The following DCC variants were observed in gnomAD, a reference collection of about 807,000 sequenced individuals.
DCC encodes DCC netrin 1 receptor.
DCC carries 58 observed loss-of-function variants against 172.5 expected under a neutral mutation model. The ratio of observed to expected loss-of-function variants is 0.34; its 90% confidence interval spans 0.27 to 0.42. The LOEUF (loss-of-function observed/expected upper bound fraction) is 0.42. DCC is among the 10% of genes least tolerant of loss of function. The pLI is 1.00. For synonymous variants in DCC, 709 were observed against 644.5 expected, an observed-to-expected ratio of 1.10 and a Z score of -1.52; for missense variants, 1,740 against 1,791.0, an observed-to-expected ratio of 0.97 and a Z score of 0.51.
chr18:52,490,157 C>A (rs574061687), intron 1 of DCC, among the ~76,000 whole-genome samples: 2 of 152,126 alleles, frequency 1.3e-5, no homozygotes, highest in South Asian at 4.2e-4. Flanking sequence ...AGGCTAAAAG[C>A]AGCACAAGAT....
chr18:52,832,700 T>C (rs1324026599), intron 2 of DCC, among the ~76,000 whole-genome samples: 1 of 152,138 alleles, frequency 6.6e-6, no homozygotes, highest in Non-Finnish European at 1.5e-5. Context: ...ATGGAGAAAC[T>C]TGCCAAGAAT....
At chr18:53,082,581 G>A (rs2042822343) in intron 7 of DCC, among the ~76,000 whole-genome samples, 1 of 151,996 alleles carries the variant, frequency 6.6e-6, no homozygotes, top group South Asian at 2.1e-4. Flanking sequence ...TAACAAATTA[G>A]TAAGTACCAT....
At chr18:53,495,389 C>CAAAAAA (rs71179511) in intron 26 of DCC, among the ~76,000 whole-genome samples, 4 of 116,702 alleles carry the variant, frequency 3.4e-5, no homozygotes, top group Non-Finnish European at 5.1e-5. Flanking sequence ...GACTCCATCT[C>CAAAAAA]AAAAAAAAAA....
chr18:53,231,365 A>G (rs913118914), intron 12 of DCC, among the ~76,000 whole-genome samples: 2 of 152,092 alleles, frequency 1.3e-5, no homozygotes, highest in Non-Finnish European at 2.9e-5. Flanking sequence ...AATACATAAA[A>G]TGGTACCTGT....
intron 26 of DCC, among the ~76,000 whole-genome samples, chr18:53,497,985 A>G (rs1180498777): frequency 1.3e-5 from 2 of 152,176 alleles, no homozygotes; most frequent in Admixed American, 6.5e-5. Flanking sequence ...ATATGGCTAC[A>G]TCCTGTGCTC....
At chr18:52,494,106 A>G (rs2030640768) in intron 1 of DCC, among the ~76,000 whole-genome samples, 1 of 152,074 alleles carries the variant, frequency 6.6e-6, no homozygotes, top group Admixed American at 6.6e-5. Context: ...TGGGTATAGA[A>G]TTCTAAGTTG....
intron 18 of DCC, among the ~76,000 whole-genome samples, chr18:53,399,477 A>G (rs1909166490): frequency 6.6e-6 from 1 of 152,240 alleles, no homozygotes; most frequent in Middle Eastern, 3.4e-3. Context: ...AGAGGAGAGG[A>G]TGGGATGCTG....
At chr18:52,569,095 A>G (rs2033232967) in intron 1 of DCC, among the ~76,000 whole-genome samples, 1 of 152,194 alleles carries the variant, frequency 6.6e-6, no homozygotes, top group South Asian at 2.1e-4. Flanking sequence ...GTGTAATAAC[A>G]AGATAGATCA....
chr18:52,746,977 G>A (rs2036915264), intron 1 of DCC, among the ~76,000 whole-genome samples: 1 of 151,584 alleles, frequency 6.6e-6, no homozygotes, highest in African/African-American at 2.4e-5. Context: ...GGAGGAGGAG[G>A]AGGAGGAGGA....
chr18:52,461,434 T>C (rs1988626796), intron 1 of DCC, among the ~76,000 whole-genome samples: 1 of 152,244 alleles, frequency 6.6e-6, no homozygotes, highest in East Asian at 1.9e-4. Context: ...AAAGGTATAA[T>C]ATAGTGAATA....
intron 1 of DCC, among the ~76,000 whole-genome samples, chr18:52,605,575 G>C (rs962185565): frequency 3.9e-5 from 6 of 152,126 alleles, no homozygotes; most frequent in African/African-American, 1.4e-4. Context: ...AGCGGATAGA[G>C]AACAGAGTGT....
intron 7 of DCC, among the ~76,000 whole-genome samples, chr18:53,106,732 A>G (rs1182208322): frequency 6.6e-6 from 1 of 151,908 alleles, no homozygotes; most frequent in African/African-American, 2.4e-5. Flanking sequence ...GTAAAGGAAT[A>G]AAAGAATGAC....
chr18:52,813,095 G>A (rs1340104679), intron 2 of DCC, among the ~76,000 whole-genome samples: 10 of 152,154 alleles, frequency 6.6e-5, no homozygotes, highest in Admixed American at 3.9e-4. Flanking sequence ...AAAATGATGT[G>A]AACTTTCCTT....
intron 26 of DCC, among the ~76,000 whole-genome samples, chr18:53,497,132 A>G (rs984928015): frequency 1.3e-5 from 2 of 152,148 alleles, no homozygotes; most frequent in African/African-American, 2.4e-5. Context: ...CTTTAATGAA[A>G]AGCTAGCCCA....
At chr18:53,060,587 C>A (rs1370917723) in intron 5 of DCC, among the ~76,000 whole-genome samples, 10 of 152,022 alleles carry the variant, frequency 6.6e-5, no homozygotes, top group Non-Finnish European at 1.5e-4. Context: ...GTTGAGGCAT[C>A]CCTGTGGTAC....
chr18:52,460,169 T>A (rs532289055), intron 1 of DCC, among the ~76,000 whole-genome samples: 1 of 152,310 alleles, frequency 6.6e-6, no homozygotes, highest in African/African-American at 2.4e-5. Context: ...TCTCTGTATA[T>A]CAAAACTTAC....
rs115771988 is a variant in DCC at position 52,843,987 on chromosome 18, G to A, written c.413-62057G>A. 3.7e-3 allele frequency among the ~76,000 whole-genome samples: 568 copies of A among 152,092 alleles called. 1 individual carries two copies. Among genetic ancestry groups the A allele is most frequent in the African/African-American group, 0.013 (519 of 41,508 alleles). On this transcript the variant is annotated intron_variant, in intron 2 of 28. Coordinates refer to ENST00000442544, the MANE Select transcript of DCC (RefSeq NM_005215.4). The stretch of plus-strand genomic sequence containing the variant: ...ATATAGTATGATGCTGATAAACATC[G>A]CTTTTTTGAAGTCAGACGTAATGAC...
intron 1 of DCC, among the ~76,000 whole-genome samples, chr18:52,595,413 A>C: frequency 6.6e-6 from 1 of 152,232 alleles, no homozygotes; most frequent in Admixed American, 6.5e-5. Flanking sequence ...TTTTCCTGGG[A>C]TCTATATTAA....
At chr18:52,776,619 G>C (rs73463760) in intron 2 of DCC, among the ~76,000 whole-genome samples, 3,420 of 152,216 alleles carry the variant, frequency 0.022, 125 homozygotes, top group African/African-American at 0.077. Flanking sequence ...GAGCCAGGTT[G>C]CAGGAGGTGG....
Sources: gnomAD v4.1 joint callset for allele counts (sites outside exome capture counted in the v4.1 genomes callset) on GRCh38, gnomAD v4.1.1 for gene constraint, MANE v1.5 for transcripts, NCBI Gene and HGNC (gene_info 2026-07-23, HGNC 2026-07-21) for gene names.